The following COL22A1 variants were observed in gnomAD, a reference collection of about 807,000 sequenced individuals.
The protein encoded by COL22A1 is collagen alpha-1(XXII) chain.
A neutral mutation model predicts 248.9 loss-of-function variants in COL22A1; 221 were observed. That is an observed-to-expected ratio of 0.89 (90% CI 0.80 to 0.99). The LOEUF is 0.99. Among genes scored for constraint, COL22A1 ranks in the 50% least tolerant of loss-of-function variants. The probability of loss-of-function intolerance (pLI) is 0.00; values close to 1 mark genes in which losing one functional copy is unlikely to be tolerated. For missense variants in COL22A1, 2,240 were observed against 2,179.0 expected (o/e 1.03, Z -0.56); for synonymous variants, 891 against 793.4 (o/e 1.12, Z -2.07).
intron 3 of COL22A1, among the ~76,000 whole-genome samples, chr8:138,860,487 A>G (rs1023162160): frequency 2.0e-5 from 3 of 152,160 alleles, no homozygotes; most frequent in African/African-American, 7.2e-5. Context: ...TATATGTGTG[A>G]CCTCAAAGCC....
chr8:138,792,184 C>T (rs1816111754), intron 12 of COL22A1, among the ~76,000 whole-genome samples: 1 of 152,162 alleles, frequency 6.6e-6, no homozygotes, highest in Admixed American at 6.5e-5. Context: ...CCATCCTGTC[C>T]ACTCCAGGAA....
At chr8:138,739,986 T>C (rs1451657317) in intron 22 of COL22A1, among the ~76,000 whole-genome samples, 1 of 152,232 alleles carries the variant, frequency 6.6e-6, no homozygotes. Context: ...TTGGAGGCAC[T>C]GGGTTTCTCC....
intron 46 of COL22A1, among the ~76,000 whole-genome samples, chr8:138,649,167 G>T (rs1822469276): frequency 6.6e-6 from 1 of 152,166 alleles, no homozygotes; most frequent in African/African-American, 2.4e-5. Flanking sequence ...TAGGGTCTCA[G>T]CCTTTTTCTT....
chr8:138,632,615 G>A (rs1459310205), intron 49 of COL22A1, among the ~76,000 whole-genome samples: 1 of 152,180 alleles, frequency 6.6e-6, no homozygotes, highest in Non-Finnish European at 1.5e-5. Flanking sequence ...AAATTTTAGA[G>A]ATGTAAAAAT....
rs759176067 is a variant in COL22A1 at position 138,807,834 on chromosome 8, A to G, written c.1450-22T>C. ...CACCCTAAAAGAAGAAAGACAACAA[A>G]AAAGTAAGTTTCTATTTTAATTTTC... On this transcript the variant is annotated intron_variant, in intron 9 of 64. Coordinates refer to ENST00000303045, the MANE Select transcript of COL22A1 (RefSeq NM_152888.3). 5.6e-6 allele frequency: 9 copies of G among 1,613,016 alleles called. No homozygotes were observed. In the South Asian group the frequency reaches 8.8e-5, roughly 16 times the overall value.
At position 138,606,402 on chromosome 8, in the gene COL22A1, G is replaced by A. The variant is rs1218474971; in HGVS notation, c.4083C>T (p.Phe1361=). ...TTACCGGAGGCCCACGGGGACCCAG[G>A]AAGCCAGGAAGTCCTGGGCTGCCAT... ...GENGSPGLPG[F]LGPRGPPGEP... The change falls in exon 58 of 65, where the codon TTC becomes TTT. Residue 1361 remains phenylalanine, a synonymous_variant. Coordinates refer to ENST00000303045, the MANE Select transcript of COL22A1 (RefSeq NM_152888.3). 4.3e-6 allele frequency: 7 copies of A among 1,613,364 alleles called. No homozygotes were observed. The highest frequency in any genetic ancestry group is 5.1e-6 in the Non-Finnish European group (6 of 1,179,826).
chr8:138,778,478 C>A, intron 14 of COL22A1, 72 bp from the exon 15 acceptor site: 1 of 1,367,462 alleles, frequency 7.3e-7, no homozygotes, highest in Non-Finnish European at 9.9e-7. Context: ...TACAGCTCAG[C>A]CAGTCCCACG....
intron 54 of COL22A1, 28 bp downstream of exon 54, chr8:138,616,886 G>A (rs761985893): frequency 9.9e-6 from 16 of 1,613,722 alleles, no homozygotes; most frequent in African/African-American, 1.3e-5. Flanking sequence ...CCACCTGGGG[G>A]GACCTCCAAA....
At chr8:138,701,340 T>G (rs1483333004) in intron 31 of COL22A1, among the ~76,000 whole-genome samples, 1 of 152,172 alleles carries the variant, frequency 6.6e-6, no homozygotes, top group Non-Finnish European at 1.5e-5. Context: ...TCCATGCAGA[T>G]GCCTGGGTCC....
At chr8:138,784,788 A>G (rs2131549965) in intron 12 of COL22A1, among the ~76,000 whole-genome samples, 1 of 152,266 alleles carries the variant, frequency 6.6e-6, no homozygotes, top group Non-Finnish European at 1.5e-5. Context: ...TCTCCATTTC[A>G]GTGTTTATGA....
At chr8:138,760,781 T>C (rs1833412090) in intron 17 of COL22A1, among the ~76,000 whole-genome samples, 1 of 152,152 alleles carries the variant, frequency 6.6e-6, no homozygotes. Flanking sequence ...GTGCAGAGGA[T>C]GCTGAAGACT....
At chr8:138,601,667 T>C (rs1003306550) in intron 60 of COL22A1, among the ~76,000 whole-genome samples, 10 of 152,296 alleles carry the variant, frequency 6.6e-5, no homozygotes, top group Middle Eastern at 3.4e-3. Flanking sequence ...AAAGGCTTTC[T>C]GAGTATAACG....
At chr8:138,878,363 A>G in intron 2 of COL22A1, 47 bp from the exon 3 acceptor site, 1 of 1,431,914 alleles carries the variant, frequency 7.0e-7, no homozygotes. Flanking sequence ...GGGCATGGAA[A>G]GGACACTGTC....
At chr8:138,838,225 G>A (rs1266938510) in intron 4 of COL22A1, among the ~76,000 whole-genome samples, 2 of 152,128 alleles carry the variant, frequency 1.3e-5, no homozygotes, top group Non-Finnish European at 1.5e-5. Flanking sequence ...ACTTCTCAGG[G>A]CCACCTGAGG....
intron 5 of COL22A1, among the ~76,000 whole-genome samples, chr8:138,830,601 T>A (rs1219579836): frequency 6.6e-6 from 1 of 152,242 alleles, no homozygotes; most frequent in Non-Finnish European, 1.5e-5. Context: ...GTGACCGGAA[T>A]CGGGGTCCCA....
rs71316352 is a variant in COL22A1, at chr8:138,652,735, G to GTTTTTTTTTTTTTTTTTTTTTTTTTTTTT, written c.3334-2958_3334-2957insAAAAAAAAAAAAAAAAAAAAAAAAAAAAA. ...TAAAATATTTTCTTTTCCTTTTCTGGTTTTTTTTTTTTTTTTTTTTTTTTT... is the reference window on the plus strand; with the variant it reads ...TAAAATATTTTCTTTTCCTTTTCTGGTTTTTTTTTTTTTTTTTTTTTTTTTTTTTTTTTTTTTTTTTTTTTTTTTTTTTT... On this transcript the variant is annotated intron_variant, in intron 45 of 64. Coordinates refer to ENST00000303045, the MANE Select transcript of COL22A1 (RefSeq NM_152888.3). Among the ~76,000 whole-genome samples the GTTTTTTTTTTTTTTTTTTTTTTTTTTTTT allele has an allele frequency of 7.4e-5, 4 of 54,282 alleles. 1 individual carries two copies. Among genetic ancestry groups the GTTTTTTTTTTTTTTTTTTTTTTTTTTTTT allele is most frequent in the Non-Finnish European group, 1.0e-4 (3 of 28,984 alleles). The allele number at this position is 54,282 out of a possible 152,430, so 35.6% of individuals were successfully genotyped here.
intron 12 of COL22A1, among the ~76,000 whole-genome samples, chr8:138,782,813 CACG>C (rs1815139219): frequency 6.6e-6 from 1 of 151,318 alleles, no homozygotes; most frequent in African/African-American, 2.5e-5. Flanking sequence ...GACCCAGGCC[CACG>C]ATGACAGACG....
At chr8:138,666,614 C>A (rs1006312406) in intron 41 of COL22A1, among the ~76,000 whole-genome samples, 1 of 152,190 alleles carries the variant, frequency 6.6e-6, no homozygotes, top group African/African-American at 2.4e-5. Context: ...ACCATACCTG[C>A]ATCTGAACTG....
In COL22A1 at chr8:138,704,515, G is replaced by A. The variant is rs182049154; in HGVS notation, c.2518-1168C>T. ...CGCTGCTGATACCCAGGCAAACAGC[G>A]TCTGGAGTGGACCTCCAGAAAACTT... On this transcript the variant is annotated intron_variant, in intron 30 of 64. Coordinates refer to ENST00000303045, the MANE Select transcript of COL22A1 (RefSeq NM_152888.3). Among the ~76,000 whole-genome samples, 744 of 152,080 alleles carry A rather than the reference G, an allele frequency of 4.9e-3. 2 individuals are homozygous for A. The highest frequency in any genetic ancestry group is 0.011 in the African/African-American group (445 of 41,570).
Sources: gnomAD v4.1 joint callset for allele counts (sites outside exome capture counted in the v4.1 genomes callset) on GRCh38, gnomAD v4.1.1 for gene constraint, MANE v1.5 for transcripts, NCBI Gene and HGNC (gene_info 2026-07-23, HGNC 2026-07-21) for gene names.